The following UGT1A9 variants were observed in gnomAD, a reference collection of about 807,000 sequenced individuals.
The protein encoded by UGT1A9 is UDP glucuronosyltransferase family 1 member A9.
Under a neutral mutation model 45.0 loss-of-function variants are expected in UGT1A9, and 35 were observed. The ratio of observed to expected loss-of-function variants is 0.78; its 90% CI spans 0.59 to 1.03. The LOEUF (loss-of-function observed/expected upper bound fraction) is 1.03, where lower values mean the gene tolerates loss of function less well. Among genes scored for constraint, UGT1A9 ranks in the 50% least tolerant of loss-of-function variants. The probability of loss-of-function intolerance (pLI) is 0.00; values close to 1 mark genes in which losing one functional copy is unlikely to be tolerated. For synonymous variants in UGT1A9, 278 were observed against 250.6 expected, an observed-to-expected ratio of 1.11 and a Z score of -1.03; for missense variants, 687 against 666.6, an observed-to-expected ratio of 1.03 and a Z score of -0.34.
chr2:233,685,276 G>A (rs977279577), intron 1 of UGT1A9, among the ~76,000 whole-genome samples: 6 of 152,028 alleles, frequency 3.9e-5, no homozygotes, highest in Admixed American at 6.6e-5. Context: ...CAAGTGATCC[G>A]CCCGCCTCCG....
chr2:233,719,282 T>C, intron 1 of UGT1A9: 1 of 1,614,148 alleles, frequency 6.2e-7, no homozygotes, highest in Non-Finnish European at 8.5e-7. Context: ...CAGACCCCGT[T>C]AACCTCTGTG....
intron 1 of UGT1A9, among the ~76,000 whole-genome samples, chr2:233,700,949 T>G (rs537034849): frequency 2.1e-4 from 32 of 150,414 alleles, no homozygotes; most frequent in African/African-American, 7.3e-4. Context: ...AATTCCCACC[T>G]ATGAGTGAGA....
chr2:233,694,469 T>A (rs138787625), intron 1 of UGT1A9, among the ~76,000 whole-genome samples: 8 of 152,338 alleles, frequency 5.3e-5, no homozygotes, highest in African/African-American at 1.9e-4. Context: ...AAAAGGGGTA[T>A]GGCCTCTGAC....
At chr2:233,759,674 A>G (rs1462532515) in intron 1 of UGT1A9, among the ~76,000 whole-genome samples, 1 of 125,012 alleles carries the variant, frequency 8.0e-6, no homozygotes, top group Admixed American at 1.1e-4. Flanking sequence ...TCATGTGTTT[A>G]AATTGTGAGT....
At chr2:233,706,059 C>CA (rs1405552765) in intron 1 of UGT1A9, among the ~76,000 whole-genome samples, 1 of 152,160 alleles carries the variant, frequency 6.6e-6, no homozygotes, top group Admixed American at 6.5e-5. Flanking sequence ...CACGCCACTG[C>CA]ATGCCAGCCT....
intron 1 of UGT1A9, chr2:233,747,257 G>T: frequency 6.2e-7 from 1 of 1,600,080 alleles, no homozygotes; most frequent in Non-Finnish European, 8.5e-7. Context: ...CTGGCCACAG[G>T]AGTGCTACTC....
chr2:233,753,934 C>A (rs115652249), intron 1 of UGT1A9, among the ~76,000 whole-genome samples: 1,716 of 152,270 alleles, frequency 0.011, 38 homozygotes, highest in African/African-American at 0.04. Context: ...ATATGGGATT[C>A]AAATGTATGA....
In UGT1A9 at chr2:233,672,235, C is replaced by T. The variant is rs994812808; in HGVS notation, c.301C>T (p.Gln101Ter). The T allele has an allele frequency of 6.2e-7, 1 of 1,613,934 alleles. No individual in the cohort carries two copies. Among genetic ancestry groups the T allele is most frequent in the Non-Finnish European group, 8.5e-7 (1 of 1,179,830 alleles). The change falls in exon 1 of 5, where the codon CAA becomes TAA. Residue 101 changes from glutamine (Q) to a stop codon, truncating the protein, a stop_gained. Coordinates refer to ENST00000354728, the MANE Select transcript of UGT1A9 (RefSeq NM_021027.3). LOFTEE classifies it high-confidence loss of function. Reference protein sequence around the residue: ...KAFAHAQWKAQVRSIYSLLMG... With the variant: ...KAFAHAQWKA ...TTTTGCCCATGCTCAATGGAAAGCA[C>T]AAGTACGAAGTATATATTCTCTATT... is the stretch of plus-strand genomic sequence containing the variant.
chr2:233,693,179 G>C, intron 1 of UGT1A9: 2 of 1,614,162 alleles, frequency 1.2e-6, no homozygotes, highest in Non-Finnish European at 1.7e-6. Flanking sequence ...GATTGTAGTG[G>C]TGGTGCCTGA....
chr2:233,708,361 C>T (rs919145520), intron 1 of UGT1A9: 2 of 152,120 alleles, frequency 1.3e-5, no homozygotes, highest in African/African-American at 4.8e-5. Context: ...CTTATTAATT[C>T]TTCATTTAAA....
At chr2:233,715,879 C>T (rs1410006129) in intron 1 of UGT1A9, among the ~76,000 whole-genome samples, 3 of 152,094 alleles carry the variant, frequency 2.0e-5, no homozygotes, top group African/African-American at 7.2e-5. Context: ...GTGCCTGTGG[C>T]CCCAGCTACT....
chr2:233,746,864 A>G (rs1693495912), intron 1 of UGT1A9, among the ~76,000 whole-genome samples: 1 of 151,076 alleles, frequency 6.6e-6, no homozygotes, highest in South Asian at 2.1e-4. Flanking sequence ...CTGCAGCCTG[A>G]TAAACGTGGT....
chr2:233,718,096 T>G (rs2076629301), intron 1 of UGT1A9: 1 of 328,356 alleles, frequency 3.0e-6, no homozygotes, highest in Admixed American at 3.8e-5. Context: ...CATGTGTGCT[T>G]TAGACAGCAG....
intron 1 of UGT1A9, among the ~76,000 whole-genome samples, chr2:233,744,910 G>A (rs1048974476): frequency 2.6e-5 from 4 of 151,812 alleles, no homozygotes; most frequent in Non-Finnish European, 5.9e-5. Context: ...AAATCTAGAT[G>A]CTCAAGCTCC....
At chr2:233,728,754 C>A (rs1442731907) in intron 1 of UGT1A9, among the ~76,000 whole-genome samples, 2 of 152,152 alleles carry the variant, frequency 1.3e-5, no homozygotes, top group Non-Finnish European at 2.9e-5. Flanking sequence ...AATGGTGACT[C>A]CTCAGACCTC....
At chr2:233,770,522 G>A (rs1294728713) in intron 4 of UGT1A9, 1 of 152,120 alleles carries the variant, frequency 6.6e-6, no homozygotes. Context: ...CCCAGGCATG[G>A]TGGTGTATGC....
At chr2:233,699,478 A>G (rs146096566) in intron 1 of UGT1A9, among the ~76,000 whole-genome samples, 192 of 152,320 alleles carry the variant, frequency 1.3e-3, no homozygotes, top group Non-Finnish European at 2.0e-3. Flanking sequence ...AGTAAATCCT[A>G]GTCTCTTCTA....
intron 1 of UGT1A9, chr2:233,760,773 G>C (rs780985622): frequency 2.5e-6 from 4 of 1,613,826 alleles, no homozygotes; most frequent in Non-Finnish European, 3.4e-6. Flanking sequence ...TCGTGGCCCA[G>C]TACCTGTCTC....
chr2:233,763,409 T>C (rs1698304893), intron 1 of UGT1A9, among the ~76,000 whole-genome samples: 1 of 152,246 alleles, frequency 6.6e-6, no homozygotes, highest in Admixed American at 6.5e-5. Flanking sequence ...ACTGGTATTT[T>C]TAATCCAGTC....
Sources: allele counts gnomAD v4.1 joint callset (sites outside exome capture counted in the v4.1 genomes callset), GRCh38; gene constraint gnomAD v4.1.1; transcripts MANE v1.5; gene names NCBI Gene and HGNC (gene_info 2026-07-23, HGNC 2026-07-21).